Variants in ADCY2 observed in about 807,000 individuals in gnomAD.
ADCY2 encodes adenylate cyclase type 2.
ADCY2 carries 31 observed loss-of-function variants against 125.2 expected under a neutral mutation model. The observed-to-expected ratio is 0.25, with a 90% CI of 0.19 to 0.33. ADCY2 has a LOEUF of 0.33. ADCY2 is among the 10% of genes least tolerant of loss of function. The probability of loss-of-function intolerance (pLI) is 1.00; values close to 1 mark genes in which losing one functional copy is unlikely to be tolerated. For synonymous variants in ADCY2, 512 were observed against 548.4 expected (o/e 0.93, Z 0.93); for missense variants, 904 against 1,418.2 (o/e 0.64, Z 5.82).
At chr5:7,503,586 G>T (rs575591004) in intron 2 of ADCY2, among the ~76,000 whole-genome samples, 1 of 152,258 alleles carries the variant, frequency 6.6e-6, no homozygotes, top group South Asian at 2.1e-4. Context: ...GCCGTTGGGG[G>T]GATCTGGACA....
intron 2 of ADCY2, among the ~76,000 whole-genome samples, chr5:7,478,732 G>A (rs2126468727): frequency 6.6e-6 from 1 of 152,210 alleles, no homozygotes; most frequent in Non-Finnish European, 1.5e-5. Context: ...GATACCGAAA[G>A]TGTGTTTATT....
chr5:7,590,812 T>G (rs994963938), intron 3 of ADCY2, among the ~76,000 whole-genome samples: 1 of 152,184 alleles, frequency 6.6e-6, no homozygotes, highest in Non-Finnish European at 1.5e-5. Flanking sequence ...AGTATGTTTT[T>G]GCTTCTAGGC....
intron 2 of ADCY2, among the ~76,000 whole-genome samples, chr5:7,421,244 G>A (rs1236934205): frequency 6.6e-6 from 1 of 152,174 alleles, no homozygotes; most frequent in Admixed American, 6.5e-5. Flanking sequence ...GTGTTCCATG[G>A]CTTAGAACAA....
At chr5:7,444,708 A>G (rs1395386812) in intron 2 of ADCY2, among the ~76,000 whole-genome samples, 1 of 152,074 alleles carries the variant, frequency 6.6e-6, no homozygotes, top group African/African-American at 2.4e-5. Context: ...GCTATTGTTC[A>G]TTTTACTCCC....
rs369071945 is a variant in ADCY2 at position 7,522,097 on chromosome 5, C to T, written c.570+1198C>T. 4.9e-4 allele frequency among the ~76,000 whole-genome samples: 74 copies of T among 152,192 alleles called. 1 individual carries two copies. The highest frequency in any genetic ancestry group is 6.8e-3 in the Middle Eastern group (2 of 294). The stretch of plus-strand genomic sequence containing the variant: ...GAGACAGACAGAGGCCAGCCAGTAA[C>T]TAATCCAATGAGAGAATGAAGGTGG... On this transcript the variant is annotated intron_variant, in intron 3 of 24. Coordinates refer to ENST00000338316, the MANE Select transcript of ADCY2 (RefSeq NM_020546.3).
Position 7,773,039 on chromosome 5 carries a change from C to A in ADCY2, c.2322C>A (p.Asn774Lys), listed in dbSNP as rs1175002249. The A allele has an allele frequency of 4.3e-6, 7 of 1,614,168 alleles. No individual in the cohort carries two copies. Among genetic ancestry groups the A allele is most frequent in the Non-Finnish European group, 5.9e-6 (7 of 1,180,028 alleles). Residue 774 changes from asparagine (N) to lysine (K), a missense_variant, in exon 18 of 25, where the codon AAC (asparagine) becomes AAA (lysine). By Grantham distance (94) the Asn-to-Lys change is moderately conservative (BLOSUM62 0). This residue lies in a region of ADCY2 where 221 missense variants were observed against 246.2 expected (regional missense o/e 0.90). Coordinates refer to ENST00000338316, the MANE Select transcript of ADCY2 (RefSeq NM_020546.3). ...TGATGGTGGCCTTGGTGGGCTACAA[C>A]ACCATCCTACTCCACACCCACGCCC... is the stretch of plus-strand genomic sequence containing the variant. Reference protein sequence around the residue: ...LIMMVALVGYNTILLHTHAHV... With the variant: ...LIMMVALVGYKTILLHTHAHV...
chr5:7,737,904 T>C (rs751674852), intron 14 of ADCY2, among the ~76,000 whole-genome samples: 1 of 152,204 alleles, frequency 6.6e-6, no homozygotes, highest in Admixed American at 6.5e-5. Flanking sequence ...AAACCACTGA[T>C]AGGAACATGA....
chr5:7,792,290 G>A (rs944853081), intron 20 of ADCY2, among the ~76,000 whole-genome samples: 1 of 151,844 alleles, frequency 6.6e-6, no homozygotes, highest in African/African-American at 2.4e-5. Flanking sequence ...AGCTACTTGG[G>A]AGGTTGAGGC....
intron 24 of ADCY2, among the ~76,000 whole-genome samples, chr5:7,824,754 T>C (rs1308986200): frequency 1.3e-5 from 2 of 152,168 alleles, no homozygotes; most frequent in Admixed American, 1.3e-4. Context: ...AGGTGGATGA[T>C]TCTTCCATAG....
rs760595767 is a variant in ADCY2 at position 7,572,506 on chromosome 5, T to G, written c.570+51607T>G. 3.1e-4 allele frequency among the ~76,000 whole-genome samples: 47 copies of G among 152,302 alleles called. 1 individual carries two copies. Among genetic ancestry groups the G allele is most frequent in the South Asian group, 1.0e-3 (5 of 4,828 alleles). ...CCCACTTTTTAATGTGTTTTCTTCT[T>G]GTAAATTTGTTTAAGTTCCTTATAG... On this transcript the variant is annotated intron_variant, in intron 3 of 24. Coordinates refer to ENST00000338316, the MANE Select transcript of ADCY2 (RefSeq NM_020546.3).
chr5:7,520,941 C>T lies in ADCY2; in HGVS notation c.570+42C>T. On this transcript the variant is annotated intron_variant, in intron 3 of 24. Coordinates refer to ENST00000338316, the MANE Select transcript of ADCY2 (RefSeq NM_020546.3). ...ATCCATGGAGAATGACTTTCCACAT[C>T]CCACCAGGGGGTGAGGCAGGTGCTG... 2.5e-6 allele frequency: 4 copies of T among 1,608,858 alleles called. No homozygotes were observed. The South Asian group carries it at 4.4e-5, about 18-fold the overall frequency.
intron 3 of ADCY2, among the ~76,000 whole-genome samples, chr5:7,529,949 A>G (rs981645376): frequency 4.6e-5 from 7 of 152,002 alleles, no homozygotes; most frequent in African/African-American, 7.3e-5. Context: ...GCCCAGCACC[A>G]CTTCTGTCTT....
At chr5:7,811,108 A>G (rs1744929410) in intron 22 of ADCY2, among the ~76,000 whole-genome samples, 1 of 152,150 alleles carries the variant, frequency 6.6e-6, no homozygotes, top group Admixed American at 6.5e-5. Flanking sequence ...GAAGGAAAGA[A>G]CTTGTACTCC....
intron 22 of ADCY2, 78 bp downstream of exon 22, chr5:7,804,770 T>C (rs1410541298): frequency 1.0e-6 from 1 of 998,990 alleles, no homozygotes; most frequent in Non-Finnish European, 1.6e-6. Context: ...AAAACAGCCA[T>C]GAAATGCCCC....
At chr5:7,676,040 A>C (rs1405768651) in intron 4 of ADCY2, among the ~76,000 whole-genome samples, 6 of 152,194 alleles carry the variant, frequency 3.9e-5, no homozygotes, top group Non-Finnish European at 8.8e-5. Context: ...CTTCTGTTTT[A>C]CTTTTCAGAT....
At chr5:7,557,940 A>G (rs1735579126) in intron 3 of ADCY2, among the ~76,000 whole-genome samples, 1 of 152,302 alleles carries the variant, frequency 6.6e-6, no homozygotes, top group Admixed American at 6.5e-5. Context: ...TCTTTGCAGA[A>G]TTGCCACATT....
At position 7,520,336 on chromosome 5, in the gene ADCY2, C is replaced by A. The variant is rs182484920; in HGVS notation, c.409-402C>A. Among the ~76,000 whole-genome samples the A allele has an allele frequency of 2.0e-5, 3 of 152,278 alleles. No homozygotes were observed. In the East Asian group the frequency reaches 5.8e-4, roughly 29 times the overall value. ...ACACCTGCCCCTCCTCCATGGGTCT[C>A]CACCCTGTCCACCCCCGTCCCCGAT... On this transcript the variant is annotated intron_variant, in intron 2 of 24. Coordinates refer to ENST00000338316, the MANE Select transcript of ADCY2 (RefSeq NM_020546.3).
chr5:7,450,331 T>C (rs758620261), intron 2 of ADCY2, among the ~76,000 whole-genome samples: 6 of 152,158 alleles, frequency 3.9e-5, no homozygotes, highest in Non-Finnish European at 7.3e-5. Flanking sequence ...ATTGCTGATA[T>C]AGAGAAAGTT....
At chr5:7,670,183 C>A (rs1256997523) in intron 4 of ADCY2, among the ~76,000 whole-genome samples, 2 of 152,162 alleles carry the variant, frequency 1.3e-5, no homozygotes, top group Non-Finnish European at 1.5e-5. Context: ...ATGAGACCTG[C>A]AAACACTACA....
Sources: gnomAD v4.1 joint callset for allele counts (sites outside exome capture counted in the v4.1 genomes callset) on GRCh38, gnomAD v4.1.1 for gene constraint, gnomAD v4.1.1 regional missense constraint, MANE v1.5 for transcripts, NCBI Gene and HGNC (gene_info 2026-07-23, HGNC 2026-07-21) for gene names.